Variants in SH3RF3 observed in about 807,000 individuals in gnomAD.
SH3RF3 encodes the protein SH3 domain containing ring finger 3.
Under a neutral mutation model 66.3 loss-of-function variants are expected in SH3RF3, and 29 were observed. The observed-to-expected ratio is 0.44, with a 90% CI of 0.33 to 0.60. The LOEUF is 0.60. Ranked by LOEUF, SH3RF3 falls within the 20% of genes least tolerant of loss-of-function variation. The pLI is 0.04. For synonymous variants in SH3RF3, 583 were observed against 532.0 expected, an observed-to-expected ratio of 1.10 and a Z score of -1.32; for missense variants, 1,194 against 1,190.9, an observed-to-expected ratio of 1.00 and a Z score of -0.04.
intron 1 of SH3RF3, among the ~76,000 whole-genome samples, chr2:109,166,813 A>G (rs1301627175): frequency 6.6e-6 from 1 of 152,224 alleles, no homozygotes; most frequent in Non-Finnish European, 1.5e-5. Flanking sequence ...GTACAAAACT[A>G]TACTTAAGTA....
intron 3 of SH3RF3, among the ~76,000 whole-genome samples, chr2:109,388,498 C>T (rs1675887490): frequency 6.6e-6 from 1 of 152,198 alleles, no homozygotes; most frequent in Non-Finnish European, 1.5e-5. Flanking sequence ...GTACTCTCAG[C>T]TGCTGACCCT....
At chr2:109,496,712 T>C (rs925446658) in intron 9 of SH3RF3, among the ~76,000 whole-genome samples, 19 of 152,176 alleles carry the variant, frequency 1.2e-4, no homozygotes, top group African/African-American at 4.6e-4. Context: ...GTGAGCAGAA[T>C]AATGGCCCCC....
intron 6 of SH3RF3, among the ~76,000 whole-genome samples, chr2:109,434,491 C>T (rs936763233): frequency 3.3e-5 from 5 of 152,372 alleles, no homozygotes; most frequent in South Asian, 2.1e-4. Flanking sequence ...CAACTCCTGA[C>T]GTGTGTCAGT....
chr2:109,416,421 C>T (rs946193426), intron 4 of SH3RF3, among the ~76,000 whole-genome samples: 19 of 152,076 alleles, frequency 1.2e-4, no homozygotes, highest in Non-Finnish European at 2.4e-4. Flanking sequence ...ATGGCGAAAC[C>T]CCCCCGTTTC....
Position 109,368,708 on chromosome 2 carries a change from TAAAA to T in SH3RF3, c.850-2866_850-2863del, listed in dbSNP as rs372666198. Among the ~76,000 whole-genome samples, 215 of 136,810 alleles carry T rather than the reference TAAAA, an allele frequency of 1.6e-3. 2 individuals carry two copies. Among genetic ancestry groups the T allele is most frequent in the African/African-American group, 4.6e-3 (172 of 37,764 alleles). The allele number at this position is 136,810 out of a possible 152,430, so 89.8% of individuals were successfully genotyped here. ...AGTGTGGATATCATGGTATTTTCTT[TAAAA>T]AAAAAAAAAAAGAAAAAGAAAAAGA... On this transcript the variant is annotated intron_variant, in intron 2 of 9. Coordinates refer to ENST00000309415, the MANE Select transcript of SH3RF3 (RefSeq NM_001099289.3).
At chr2:109,263,587 T>C (rs779862433) in intron 1 of SH3RF3, among the ~76,000 whole-genome samples, 15 of 152,194 alleles carry the variant, frequency 9.9e-5, no homozygotes, top group Non-Finnish European at 1.9e-4. Flanking sequence ...AGGAGGTGGA[T>C]TTTCATTCCT....
chr2:109,191,591 ATT>A (rs1289399510), intron 1 of SH3RF3, among the ~76,000 whole-genome samples: 57 of 152,278 alleles, frequency 3.7e-4, no homozygotes, highest in Middle Eastern at 3.4e-3. Context: ...AGGGGCAGGC[ATT>A]TCCCACCCTT....
chr2:109,383,583 G>A (rs1230358214), intron 3 of SH3RF3, among the ~76,000 whole-genome samples: 2 of 152,134 alleles, frequency 1.3e-5, no homozygotes, highest in Non-Finnish European at 2.9e-5. Context: ...ATTCGGGTCC[G>A]GGAAATGCCC....
chr2:109,363,295 C>A (rs1014363016), intron 2 of SH3RF3, among the ~76,000 whole-genome samples: 9 of 151,774 alleles, frequency 5.9e-5, no homozygotes, highest in African/African-American at 1.7e-4. Flanking sequence ...GAATTCAAGC[C>A]CACTTTCAAA....
At chr2:109,493,420 GCAAA>G (rs1464840452) in intron 9 of SH3RF3, among the ~76,000 whole-genome samples, 1 of 147,920 alleles carries the variant, frequency 6.8e-6, no homozygotes, top group Non-Finnish European at 1.5e-5. Flanking sequence ...CATACATCAT[GCAAA>G]CACAGACTAC....
intron 8 of SH3RF3, among the ~76,000 whole-genome samples, chr2:109,454,910 C>G (rs893306023): frequency 2.0e-5 from 3 of 151,126 alleles, no homozygotes; most frequent in African/African-American, 7.3e-5. Context: ...ATGGGAAATT[C>G]TTTATGGGCC....
intron 1 of SH3RF3, among the ~76,000 whole-genome samples, chr2:109,133,697 G>T (rs1427346697): frequency 6.7e-6 from 1 of 149,224 alleles, no homozygotes; most frequent in Non-Finnish European, 1.5e-5. Flanking sequence ...TTTCATACAT[G>T]GTCATCTTGA....
At chr2:109,305,059 G>A (rs10167847) in intron 1 of SH3RF3, among the ~76,000 whole-genome samples, 47,273 of 152,072 alleles carry the variant, frequency 0.31, 9,069 homozygotes, top group African/African-American at 0.54. Context: ...GCGGTTCCCC[G>A]TCTGAATGTT....
At chr2:109,412,129 A>G (rs1284711274) in intron 4 of SH3RF3, among the ~76,000 whole-genome samples, 2 of 152,256 alleles carry the variant, frequency 1.3e-5, no homozygotes, top group Non-Finnish European at 2.9e-5. Flanking sequence ...ATGCCGGCAC[A>G]GATGGGATGG....
chr2:109,203,310 C>T (rs1238058851), intron 1 of SH3RF3, among the ~76,000 whole-genome samples: 6 of 152,334 alleles, frequency 3.9e-5, no homozygotes, highest in East Asian at 3.9e-4. Flanking sequence ...CTCAGGTGGA[C>T]GCAGCAGACA....
intron 1 of SH3RF3, among the ~76,000 whole-genome samples, chr2:109,170,027 G>T (rs76620592): frequency 0.015 from 2,286 of 152,180 alleles, 35 homozygotes; most frequent in Non-Finnish European, 0.024. Flanking sequence ...TCTTCATATG[G>T]CTCATAACTG....
intron 1 of SH3RF3, among the ~76,000 whole-genome samples, chr2:109,328,176 CTGA>C (rs1023209394): frequency 3.9e-5 from 6 of 152,222 alleles, no homozygotes; most frequent in Non-Finnish European, 5.9e-5. Context: ...CAGTAGTTGC[CTGA>C]TATTAGTCCA....
intron 2 of SH3RF3, among the ~76,000 whole-genome samples, chr2:109,354,674 C>G (rs768720032): frequency 6.6e-6 from 1 of 152,244 alleles, no homozygotes; most frequent in Non-Finnish European, 1.5e-5. Flanking sequence ...GGGCAGTGTG[C>G]TCCGCCAGCC....
At chr2:109,176,437 C>G (rs190498121) in intron 1 of SH3RF3, among the ~76,000 whole-genome samples, 1 of 152,270 alleles carries the variant, frequency 6.6e-6, no homozygotes, top group African/African-American at 2.4e-5. Context: ...ATTTCTTGAT[C>G]AAAAGGCATA....
Sources: allele counts gnomAD v4.1 joint callset (sites outside exome capture counted in the v4.1 genomes callset), GRCh38; gene constraint gnomAD v4.1.1; transcripts MANE v1.5; gene names NCBI Gene and HGNC (gene_info 2026-07-23, HGNC 2026-07-21).